The following ZNF141 variants were observed in gnomAD, a reference collection of about 807,000 sequenced individuals.
The protein encoded by ZNF141 is zinc finger protein 141 (clone pHZ-44).
In ZNF141, 7 loss-of-function variants were observed where a neutral mutation model predicts 11.3. The ratio of observed to expected loss-of-function variants is 0.62; its 90% CI spans 0.35 to 1.16. The LOEUF (loss-of-function observed/expected upper bound fraction) is 1.16, where lower values mean the gene tolerates loss of function less well. Ranked by LOEUF, ZNF141 falls within the 50% of genes most tolerant of loss-of-function variation. The pLI is 0.02. For missense variants in ZNF141, 535 were observed against 554.0 expected (o/e 0.97, Z 0.34); for synonymous variants, 183 against 190.7 (o/e 0.96, Z 0.33).
chr4:356,260 A>C (rs1721836766), intron 3 of ZNF141, among the ~76,000 whole-genome samples: 1 of 151,562 alleles, frequency 6.6e-6, no homozygotes, highest in South Asian at 2.1e-4. Context: ...TAATACTATT[A>C]ATCCTTTCAT....
rs34905613 is a variant in ZNF141 at position 381,946 on chromosome 4, CTT to C, written c.*8102_*8103del. On this transcript the variant is annotated 3_prime_UTR_variant, in exon 4 of 4. Coordinates refer to ENST00000240499, the MANE Select transcript of ZNF141 (RefSeq NM_003441.4). ...CTAGGGCCACCACCATCTCTGGGAA[CTT>C]TTTTTTTTTTTTTTTTTGAGACGGA... 1.0e-3 allele frequency among the ~76,000 whole-genome samples: 107 copies of C among 105,866 alleles called. 1 individual carries two copies. Among genetic ancestry groups the C allele is most frequent in the Middle Eastern group, 5.6e-3 (1 of 180 alleles). 69.5% of individuals were successfully genotyped at this position (105,866 alleles called of 152,430 possible). A position where few individuals can be genotyped will look rare whatever the true frequency, so the allele number is the denominator to read the frequency against.
intron 1 of ZNF141, among the ~76,000 whole-genome samples, chr4:341,711 G>T (rs1319477368): frequency 3.3e-5 from 5 of 152,164 alleles, no homozygotes; most frequent in Admixed American, 6.5e-5. Flanking sequence ...TCCTTGTCCA[G>T]GTCTGAGCCA....
chr4:351,532 A>G (rs1581595544), intron 3 of ZNF141, among the ~76,000 whole-genome samples: 2 of 152,286 alleles, frequency 1.3e-5, no homozygotes, highest in East Asian at 3.9e-4. Flanking sequence ...CCGGAGAAAC[A>G]TTTATACTTC....
intron 3 of ZNF141, among the ~76,000 whole-genome samples, chr4:363,869 A>G (rs1711598864): frequency 6.6e-6 from 1 of 152,142 alleles, no homozygotes; most frequent in South Asian, 2.1e-4. Context: ...CGTTCCATCA[A>G]TACCTAGTTT....
Position 382,096 on chromosome 4 carries a change from C to CT in ZNF141, c.*8235dup, listed in dbSNP as rs546148773. 1.1e-3 allele frequency among the ~76,000 whole-genome samples: 163 copies of CT among 152,022 alleles called. 1 individual carries two copies. The highest frequency in any genetic ancestry group is 3.1e-3 in the African/African-American group (128 of 41,420). On this transcript the variant is annotated 3_prime_UTR_variant, in exon 4 of 4. Transcript: ENST00000240499. ...AAGTAGCTGGGACTACAGGCACCTGCTACCATGCCCGGCTAATTTTTTTGT... is the reference window on the plus strand; with the variant it reads ...AAGTAGCTGGGACTACAGGCACCTGCTTACCATGCCCGGCTAATTTTTTTGT...
intron 3 of ZNF141, among the ~76,000 whole-genome samples, chr4:354,841 T>C (rs1258449534): frequency 6.6e-6 from 1 of 152,132 alleles, no homozygotes; most frequent in Non-Finnish European, 1.5e-5. Flanking sequence ...TTGTAAGTTT[T>C]AAAATTTCCT....
rs116749675 is a variant in ZNF141 at position 353,396 on chromosome 4, G to C, written c.226+8966G>C. 9.1e-3 allele frequency among the ~76,000 whole-genome samples: 1,361 copies of C among 149,336 alleles called. 10 individuals carry two copies. The highest frequency in any genetic ancestry group is 0.013 in the Non-Finnish European group (904 of 67,296). ...TCTAAAAAAAAAAAAAATCACAGCA[G>C]ACTTGGTCAGAAGGAGATGGTGGGT... On this transcript the variant is annotated intron_variant, in intron 3 of 3. Transcript: ENST00000240499.
At position 369,986 on chromosome 4, in the gene ZNF141, C is replaced by T. The variant is rs376248767; in HGVS notation, c.227-2678C>T. 1.7e-4 allele frequency among the ~76,000 whole-genome samples: 26 copies of T among 151,266 alleles called. No individual in the cohort carries two copies. The South Asian group carries it at 4.2e-3, about 24-fold the overall frequency. ...TTCACCATGTTGGCCAGGATGATCT[C>T]GATCTCCTGACCTCGTGATCCACCT... On this transcript the variant is annotated intron_variant, in intron 3 of 3. Transcript: ENST00000240499.
chr4:357,418 CAAA>C (rs565649782), intron 3 of ZNF141, among the ~76,000 whole-genome samples: 12 of 93,376 alleles, frequency 1.3e-4, no homozygotes, highest in South Asian at 3.5e-4. Context: ...GACTCTGTCT[CAAA>C]AAAAAAAAAA....
intron 3 of ZNF141, among the ~76,000 whole-genome samples, chr4:367,062 T>C (rs1483875463): frequency 1.3e-5 from 2 of 152,200 alleles, no homozygotes; most frequent in South Asian, 2.1e-4. Flanking sequence ...TGTACCTCAA[T>C]ACAGTAAAGA....
chr4:370,995 G>A (rs1454763616), intron 3 of ZNF141, among the ~76,000 whole-genome samples: 12 of 151,806 alleles, frequency 7.9e-5, no homozygotes, highest in African/African-American at 2.9e-4. Flanking sequence ...GCCTCTCAAA[G>A]TGCTGGGATT....
chr4:341,071 TC>T (rs1302534288), intron 1 of ZNF141, among the ~76,000 whole-genome samples: 7 of 130,342 alleles, frequency 5.4e-5, no homozygotes, highest in African/African-American at 1.6e-4. Flanking sequence ...AAAACATTTT[TC>T]TTTTTTTTTT....
At chr4:355,425 C>T (rs562897297) in intron 3 of ZNF141, among the ~76,000 whole-genome samples, 6 of 152,194 alleles carry the variant, frequency 3.9e-5, no homozygotes, top group South Asian at 2.1e-4. Flanking sequence ...AGGCTGGTCT[C>T]GAACTCCTGA....
chr4:368,244 A>AT (rs201465648), intron 3 of ZNF141, among the ~76,000 whole-genome samples: 3,020 of 149,800 alleles, frequency 0.02, 36 homozygotes, highest in Middle Eastern at 0.041. Context: ...TTTTTAAAGG[A>AT]TTTTTTTTTT....
In ZNF141 at chr4:377,719, AAG is replaced by A. The variant is rs1191759446; in HGVS notation, c.*3859_*3860del. Among the ~76,000 whole-genome samples the A allele has an allele frequency of 6.6e-6, 1 of 152,214 alleles. No individual in the cohort carries two copies. The highest frequency in any genetic ancestry group is 1.5e-5 in the Non-Finnish European group (1 of 68,046). On this transcript the variant is annotated 3_prime_UTR_variant, in exon 4 of 4. Transcript: ENST00000240499. Reference sequence around the variant, plus strand: ...TGGCATTGTTTTTCTGTGTTTGTAAAAGAAAAATTGTATGAGATTCTATCATA... The same window carrying A: ...TGGCATTGTTTTTCTGTGTTTGTAAAAAAAATTGTATGAGATTCTATCATA...
In ZNF141 at chr4:342,858, A is replaced by G; in HGVS notation, c.4-924A>G. ...GCATTTTGAAATTCATCCCAACTGT[A>G]GGCTGAGTGACCTGAAGGTTGAACA... On this transcript the variant is annotated intron_variant, in intron 1 of 3. Transcript: ENST00000240499. 5.6e-6 allele frequency: 9 copies of G among 1,608,826 alleles called. No individual in the cohort carries two copies. In the South Asian group the frequency reaches 8.8e-5, roughly 16 times the overall value.
chr4:356,478 A>G (rs555360289), intron 3 of ZNF141, among the ~76,000 whole-genome samples: 4 of 151,852 alleles, frequency 2.6e-5, no homozygotes, highest in African/African-American at 9.7e-5. Context: ...GGCGCGTGCC[A>G]CCACACCCGG....
At chr4:368,013 A>G (rs542564078) in intron 3 of ZNF141, among the ~76,000 whole-genome samples, 1 of 152,272 alleles carries the variant, frequency 6.6e-6, no homozygotes, top group Admixed American at 6.5e-5. Flanking sequence ...ACTCATACAC[A>G]TTAAACAACT....
intron 3 of ZNF141, among the ~76,000 whole-genome samples, chr4:347,405 T>A (rs1721386407): frequency 6.7e-6 from 1 of 148,940 alleles, no homozygotes; most frequent in African/African-American, 2.5e-5. Flanking sequence ...AGTGGCAGGA[T>A]CTCGGCTCAC....
Sources: allele counts gnomAD v4.1 joint callset (sites outside exome capture counted in the v4.1 genomes callset), GRCh38; gene constraint gnomAD v4.1.1; transcripts MANE v1.5; gene names NCBI Gene and HGNC (gene_info 2026-07-23, HGNC 2026-07-21).